Variants in NCOA7 observed in about 807,000 individuals in gnomAD.
The protein encoded by NCOA7 is nuclear receptor coactivator 7.
In NCOA7, 45 loss-of-function variants were observed where a neutral mutation model predicts 104.3. That is an observed-to-expected ratio of 0.43 (90% CI 0.34 to 0.55). The LOEUF (loss-of-function observed/expected upper bound fraction) is 0.55. Among genes scored for constraint, NCOA7 ranks in the 20% least tolerant of loss-of-function variants. NCOA7 has a pLI of 0.02. For missense variants in NCOA7, 1,041 were observed against 1,119.7 expected, an observed-to-expected ratio of 0.93 and a Z score of 1.00; for synonymous variants, 398 against 402.3, an observed-to-expected ratio of 0.99 and a Z score of 0.13.
intron 10 of NCOA7, among the ~76,000 whole-genome samples, chr6:125,904,196 C>A (rs980488447): frequency 1.3e-5 from 2 of 152,142 alleles, no homozygotes; most frequent in African/African-American, 4.8e-5. Context: ...TTCCATTAAG[C>A]AAATGGTAAG....
At chr6:125,906,533 G>A (rs1384615484) in intron 10 of NCOA7, among the ~76,000 whole-genome samples, 1 of 152,152 alleles carries the variant, frequency 6.6e-6, no homozygotes, top group Non-Finnish European at 1.5e-5. Flanking sequence ...AGATTATTGT[G>A]TTTGTTTCTG....
At chr6:125,900,813 A>G (rs1388955631) in intron 10 of NCOA7, among the ~76,000 whole-genome samples, 1 of 152,212 alleles carries the variant, frequency 6.6e-6, no homozygotes, top group African/African-American at 2.4e-5. Flanking sequence ...CCCTTTAAAA[A>G]TGGACATTAT....
At position 125,915,399 on chromosome 6, in the gene NCOA7, G is replaced by A. The variant is rs747085438; in HGVS notation, c.2163G>A (p.Glu721=). The change falls in exon 11 of 16, where the codon GAG becomes GAA. Residue 721 remains glutamate (E), a synonymous_variant. Coordinates refer to ENST00000392477, the MANE Select transcript of NCOA7 (RefSeq NM_181782.5). ...SPDVYGKDAK[E]QGFVVVEKEE... ...ATGTCTATGGAAAAGATGCCAAAGA[G>A]CAAGGCTTTGTGGTGGTGGAGAAGG... is the stretch of plus-strand genomic sequence containing the variant. 5 of 1,613,928 alleles carry A rather than the reference G, an allele frequency of 3.1e-6. No homozygotes were observed. Among genetic ancestry groups the A allele is most frequent in the Non-Finnish European group, 3.4e-6 (4 of 1,179,850 alleles).
At chr6:125,848,401 A>C (rs1228557662) in intron 2 of NCOA7, among the ~76,000 whole-genome samples, 3 of 152,200 alleles carry the variant, frequency 2.0e-5, no homozygotes, top group African/African-American at 7.2e-5. Context: ...GAACCAACCC[A>C]AATGTCCATC....
chr6:125,871,243 G>A (rs1458266067), intron 3 of NCOA7, among the ~76,000 whole-genome samples: 1 of 152,156 alleles, frequency 6.6e-6, no homozygotes, highest in Non-Finnish European at 1.5e-5. Flanking sequence ...TGCCCTCTTT[G>A]GGATGGGTAT....
At chr6:125,888,469 A>G (rs1249508732) in intron 8 of NCOA7, among the ~76,000 whole-genome samples, 5 of 152,178 alleles carry the variant, frequency 3.3e-5, no homozygotes, top group African/African-American at 4.8e-5. Context: ...AGTAGCTACT[A>G]AGTCAACGAG....
chr6:125,809,816 A>T (rs1487875482), intron 1 of NCOA7, among the ~76,000 whole-genome samples: 2 of 152,124 alleles, frequency 1.3e-5, no homozygotes, highest in African/African-American at 2.4e-5. Context: ...AAAACAGCTG[A>T]TGGGCCTCAT....
At chr6:125,866,070 C>T (rs1782418561) in intron 3 of NCOA7, among the ~76,000 whole-genome samples, 1 of 137,282 alleles carries the variant, frequency 7.3e-6, no homozygotes, top group Non-Finnish European at 1.5e-5. Context: ...TGTCTCACAC[C>T]TGTAATCCCA....
chr6:125,928,362 G>A, intron 15 of NCOA7, 115 bp downstream of exon 15: 2 of 938,568 alleles, frequency 2.1e-6, no homozygotes, highest in East Asian at 4.8e-5. Context: ...GCTAGTCCAT[G>A]TGCTTAGATG....
At chr6:125,814,265 G>C (rs1454898557) in intron 1 of NCOA7, among the ~76,000 whole-genome samples, 1 of 151,996 alleles carries the variant, frequency 6.6e-6, no homozygotes, top group Non-Finnish European at 1.5e-5. Flanking sequence ...AGCGATTCTC[G>C]CGCCTCAACC....
At chr6:125,832,894 C>T (rs1779303601) in intron 2 of NCOA7, among the ~76,000 whole-genome samples, 1 of 152,198 alleles carries the variant, frequency 6.6e-6, no homozygotes, top group Admixed American at 6.5e-5. Context: ...GGGACATCGC[C>T]ACACTGTTGT....
At chr6:125,841,699 G>A (rs926604459) in intron 2 of NCOA7, among the ~76,000 whole-genome samples, 1 of 151,834 alleles carries the variant, frequency 6.6e-6, no homozygotes, top group Admixed American at 6.6e-5. Flanking sequence ...ACTTTAGAAG[G>A]AAAAAAATTT....
intron 10 of NCOA7, among the ~76,000 whole-genome samples, chr6:125,897,794 C>T (rs1293803167): frequency 6.6e-6 from 1 of 152,148 alleles, no homozygotes; most frequent in African/African-American, 2.4e-5. Flanking sequence ...ATTCTCCTGC[C>T]CCAGCCTCCC....
intron 11 of NCOA7, among the ~76,000 whole-genome samples, chr6:125,916,475 A>G (rs1393336750): frequency 6.6e-6 from 1 of 152,208 alleles, no homozygotes; most frequent in East Asian, 1.9e-4. Context: ...TGGAAATACA[A>G]TGATGGATAA....
intron 2 of NCOA7, among the ~76,000 whole-genome samples, chr6:125,823,452 T>G (rs970209472): frequency 3.9e-5 from 6 of 152,220 alleles, no homozygotes; most frequent in African/African-American, 1.4e-4. Flanking sequence ...GTACCTTATT[T>G]GACAGTATTA....
chr6:125,837,310 T>C (rs769041667), intron 2 of NCOA7, among the ~76,000 whole-genome samples: 40 of 152,164 alleles, frequency 2.6e-4, no homozygotes, highest in Non-Finnish European at 5.7e-4. Flanking sequence ...TACACGTGTG[T>C]CACCTGTGTA....
chr6:125,835,765 G>A (rs1279905820), intron 2 of NCOA7, among the ~76,000 whole-genome samples: 1 of 152,180 alleles, frequency 6.6e-6, no homozygotes, highest in Non-Finnish European at 1.5e-5. Flanking sequence ...GAGCTAGGAT[G>A]AGTCCTACCC....
intron 8 of NCOA7, among the ~76,000 whole-genome samples, chr6:125,886,529 A>G (rs1376872467): frequency 1.3e-5 from 2 of 152,244 alleles, no homozygotes; most frequent in African/African-American, 4.8e-5. Flanking sequence ...TACAAGGGAT[A>G]ATGCCATGAT....
chr6:125,850,944 G>T (rs1781071291), intron 2 of NCOA7, among the ~76,000 whole-genome samples: 1 of 152,154 alleles, frequency 6.6e-6, no homozygotes, highest in South Asian at 2.1e-4. Context: ...TTTTGATCAG[G>T]AGAGAAATTG....
Sources: allele counts gnomAD v4.1 joint callset (sites outside exome capture counted in the v4.1 genomes callset), GRCh38; gene constraint gnomAD v4.1.1; transcripts MANE v1.5; gene names NCBI Gene and HGNC (gene_info 2026-07-23, HGNC 2026-07-21).